The following CRAMP1 variants were observed in gnomAD, a reference collection of about 807,000 sequenced individuals.
CRAMP1 encodes the protein cramped chromatin regulator 1.
A neutral mutation model predicts 115.4 loss-of-function variants in CRAMP1; 50 were observed. That is an observed-to-expected ratio of 0.43 (90% CI 0.35 to 0.55). The LOEUF is 0.55. Ranked by LOEUF, CRAMP1 falls within the 20% of genes least tolerant of loss-of-function variation. CRAMP1 has a pLI of 0.01. For synonymous variants in CRAMP1, 866 were observed against 745.4 expected (o/e 1.16, Z -2.64); for missense variants, 1,679 against 1,721.7 (o/e 0.98, Z 0.44).
chr16:1,659,294 C>T (rs1482926662), intron 10 of CRAMP1, among the ~76,000 whole-genome samples: 1 of 152,232 alleles, frequency 6.6e-6, no homozygotes, highest in African/African-American at 2.4e-5. Context: ...CTCCCTCCCA[C>T]CTCTGCCCGT....
chr16:1,616,329 A>G (rs1277883136), intron 2 of CRAMP1, among the ~76,000 whole-genome samples: 1 of 152,184 alleles, frequency 6.6e-6, no homozygotes, highest in Non-Finnish European at 1.5e-5. Flanking sequence ...TCCAGCCGGC[A>G]TTCGTCCCCC....
rs771508519 is a variant in CRAMP1 at position 1,672,290 on chromosome 16, G to A, written c.3645+1481G>A. ...GTATTTGTGAAACGCTGCCCGTCGC[G>A]AGTAATGCAAACGTGTTCACCTTCA... On this transcript the variant is annotated intron_variant, in intron 20 of 20. Coordinates refer to ENST00000397412, the MANE Select transcript of CRAMP1 (RefSeq NM_020825.4). This position sits in a 1 kb window ranked among gnomAD's most constrained non-coding sequence, Gnocchi z 4.9. Among the ~76,000 whole-genome samples, 2 of 152,210 alleles carry A rather than the reference G, an allele frequency of 1.3e-5. No homozygotes were observed. Among genetic ancestry groups the A allele is most frequent in the South Asian group, 2.1e-4 (1 of 4,828 alleles).
At chr16:1,655,586 T>C (rs2036764094) in intron 9 of CRAMP1, among the ~76,000 whole-genome samples, 2 of 152,146 alleles carry the variant, frequency 1.3e-5, no homozygotes. Context: ...TACCAGCAGG[T>C]TGAGCAAAAC....
intron 1 of CRAMP1, among the ~76,000 whole-genome samples, chr16:1,613,254 C>T (rs952587282): frequency 1.4e-5 from 2 of 144,620 alleles, no homozygotes; most frequent in African/African-American, 5.4e-5. Context: ...TTTTTTAAAA[C>T]TAGCATGAAC....
At chr16:1,646,120 T>C (rs565273692) in intron 6 of CRAMP1, among the ~76,000 whole-genome samples, 1 of 152,352 alleles carries the variant, frequency 6.6e-6, no homozygotes, top group South Asian at 2.1e-4. Context: ...TACTTTCACC[T>C]GCTGAGTCAT....
intron 6 of CRAMP1, among the ~76,000 whole-genome samples, chr16:1,644,833 A>G (rs2036660151): frequency 6.6e-6 from 1 of 151,872 alleles, no homozygotes; most frequent in Admixed American, 6.6e-5. Flanking sequence ...ACGCTGTTGG[A>G]GGTGGTGTGG....
At position 1,673,862 on chromosome 16, in the gene CRAMP1, C is replaced by G; in HGVS notation, c.3646-19C>G. On this transcript the variant is annotated intron_variant, in intron 20 of 20. Transcript: ENST00000397412. Reference sequence around the variant, plus strand: ...AGCAGGTCGCGGTGACTTGTTCTTCCTGTCTCCTCTTCCTGCAGGTTGTGG... The same window carrying G: ...AGCAGGTCGCGGTGACTTGTTCTTCGTGTCTCCTCTTCCTGCAGGTTGTGG... The G allele has an allele frequency of 1.2e-6, 2 of 1,613,306 alleles. No homozygotes were observed.
chr16:1,631,756 G>A (rs547165520), intron 3 of CRAMP1, among the ~76,000 whole-genome samples: 122 of 152,338 alleles, frequency 8.0e-4, no homozygotes, highest in African/African-American at 2.8e-3. Context: ...AAATGCTCAC[G>A]TTTGCTGTCC....
chr16:1,648,130 A>G (rs1456910925), intron 6 of CRAMP1, among the ~76,000 whole-genome samples: 1 of 152,188 alleles, frequency 6.6e-6, no homozygotes, highest in African/African-American at 2.4e-5. Flanking sequence ...GAAAAAAAAA[A>G]AGGAAGTCAC....
chr16:1,641,958 T>G (rs2036636438), intron 6 of CRAMP1, among the ~76,000 whole-genome samples: 1 of 152,150 alleles, frequency 6.6e-6, no homozygotes, highest in Non-Finnish European at 1.5e-5. Flanking sequence ...CTGGTGGGGT[T>G]CTGTGCATGT....
chr16:1,616,437 A>G (rs773877853), intron 2 of CRAMP1, among the ~76,000 whole-genome samples: 2 of 152,216 alleles, frequency 1.3e-5, no homozygotes, highest in East Asian at 1.9e-4. Context: ...GAGAGCAGCT[A>G]CTTCACCCCG....
chr16:1,626,232 C>A, intron 3 of CRAMP1, 66 bp downstream of exon 3: 2 of 1,348,882 alleles, frequency 1.5e-6, no homozygotes, highest in East Asian at 2.6e-5. Context: ...GCCCTCCGTT[C>A]CCCGTGCTTC....
At position 1,658,701 on chromosome 16, in the gene CRAMP1, C is replaced by T. The variant is rs564033056; in HGVS notation, c.2236-1185C>T. On this transcript the variant is annotated intron_variant, in intron 10 of 20. Coordinates refer to ENST00000397412, the MANE Select transcript of CRAMP1 (RefSeq NM_020825.4). ...CAGGAGATGCCGGAGGCTGCTGAGCCGCTGTCGCAGGTGGAATGAGTAGCA... is the reference window on the plus strand; with the variant it reads ...CAGGAGATGCCGGAGGCTGCTGAGCTGCTGTCGCAGGTGGAATGAGTAGCA... Among the ~76,000 whole-genome samples, 228 of 152,112 alleles carry T rather than the reference C, an allele frequency of 1.5e-3. 1 individual carries two copies. Among genetic ancestry groups the T allele is most frequent in the Non-Finnish European group, 2.7e-3 (183 of 68,016 alleles).
chr16:1,650,554 C>T (rs1328139132), intron 6 of CRAMP1, among the ~76,000 whole-genome samples: 1 of 152,188 alleles, frequency 6.6e-6, no homozygotes, highest in Admixed American at 6.5e-5. Flanking sequence ...CGAAGCTAAC[C>T]ACTTACAGTC....
intron 1 of CRAMP1, among the ~76,000 whole-genome samples, chr16:1,612,879 C>T (rs1161240467): frequency 1.3e-5 from 2 of 152,086 alleles, no homozygotes; most frequent in Non-Finnish European, 1.5e-5. Flanking sequence ...AGTCCGGTCT[C>T]GTTGGAGGTT....
Position 1,656,497 on chromosome 16 carries a change from G to T in CRAMP1, c.1740G>T (p.Ala580=). 1.9e-6 allele frequency: 3 copies of T among 1,572,324 alleles called. No individual in the cohort carries two copies. Among genetic ancestry groups the T allele is most frequent in the East Asian group, 2.4e-5 (1 of 42,224 alleles). The change falls in exon 10 of 21, where the codon GCG becomes GCT. Residue 580 remains alanine (A), a synonymous_variant. Transcript: ENST00000397412. This position sits in a 1 kb window ranked among gnomAD's most constrained non-coding sequence, Gnocchi z 5.6. ...TTGTCCCCGAGCAGTGCCGCTGTGC[G>T]GACACACGGCCTGGGAGCGAGCAGC... is the stretch of plus-strand genomic sequence containing the variant. ...DLIVPEQCRC[A]DTRPGSEQPP... is the part of the protein sequence containing the mutation.
chr16:1,668,922 T>C (rs1266210983), intron 18 of CRAMP1, 79 bp from the exon 19 acceptor site: 3 of 1,416,004 alleles, frequency 2.1e-6, no homozygotes, highest in Non-Finnish European at 3.0e-6. Context: ...TGCTGCCTTC[T>C]CCGTGGTGGG....
intron 1 of CRAMP1, among the ~76,000 whole-genome samples, chr16:1,613,435 C>A (rs1423417795): frequency 1.3e-5 from 2 of 152,112 alleles, no homozygotes; most frequent in Admixed American, 6.5e-5. Context: ...GTGCCTCGAT[C>A]GTGTGTTCCT....
At chr16:1,652,985 C>T (rs750939649) in intron 7 of CRAMP1, 48 bp from the exon 8 acceptor site, 1 of 1,610,136 alleles carries the variant, frequency 6.2e-7, no homozygotes, top group South Asian at 1.1e-5. Context: ...TGGTTTTCTA[C>T]CTTAAGGTTG....
Sources: allele counts gnomAD v4.1 joint callset (sites outside exome capture counted in the v4.1 genomes callset), GRCh38; gene constraint gnomAD v4.1.1; non-coding constraint Gnocchi (gnomAD v3.1); transcripts MANE v1.5; gene names NCBI Gene and HGNC (gene_info 2026-07-23, HGNC 2026-07-21).